Variants in CELF2 observed in about 807,000 individuals in gnomAD.
CELF2 encodes CUGBP Elav-like family member 2.
A neutral mutation model predicts 62.6 loss-of-function variants in CELF2; 8 were observed. The observed-to-expected ratio is 0.13, with a 90% confidence interval of 0.07 to 0.23. CELF2 has a LOEUF of 0.23. Ranked by LOEUF, CELF2 falls within the 10% of genes least tolerant of loss-of-function variation. The pLI, the probability that CELF2 is intolerant of heterozygous loss-of-function variation, is 1.00. For synonymous variants in CELF2, 258 were observed against 250.0 expected, an observed-to-expected ratio of 1.03 and a Z score of -0.30; for missense variants, 333 against 671.0, an observed-to-expected ratio of 0.50 and a Z score of 5.56.
At chr10:11,154,621 T>C (rs1253991934) in intron 1 of CELF2, among the ~76,000 whole-genome samples, 1 of 152,228 alleles carries the variant, frequency 6.6e-6, no homozygotes, top group Non-Finnish European at 1.5e-5. Context: ...TGCCTTTTGT[T>C]GTGTCCAGAC....
intron 1 of CELF2, among the ~76,000 whole-genome samples, chr10:11,095,601 T>C (rs1414267947): frequency 1.3e-5 from 2 of 152,198 alleles, no homozygotes; most frequent in African/African-American, 4.8e-5. Context: ...ACTGTAACAA[T>C]GAGTTGTCAC....
chr10:11,162,625 T>C (rs2065981977), intron 1 of CELF2, among the ~76,000 whole-genome samples: 1 of 151,742 alleles, frequency 6.6e-6, no homozygotes, highest in African/African-American at 2.4e-5. Flanking sequence ...GTGAAAAAAA[T>C]GTAAAGTACC....
the CELF2 span, among the ~76,000 whole-genome samples, chr10:10,520,862 A>T: frequency 2.6e-5 from 4 of 152,210 alleles, no homozygotes; most frequent in Non-Finnish European, 5.9e-5. Flanking sequence ...AGCGGAATAT[A>T]AACCACAGTA....
intron 2 of CELF2, among the ~76,000 whole-genome samples, chr10:10,978,897 G>A (rs1667440018): frequency 6.6e-6 from 1 of 152,210 alleles, no homozygotes; most frequent in Non-Finnish European, 1.5e-5. Context: ...CATATCCCAT[G>A]CCTTTTTGGA....
At chr10:10,955,905 G>A (rs1180082363) in intron 2 of CELF2, among the ~76,000 whole-genome samples, 1 of 152,166 alleles carries the variant, frequency 6.6e-6, no homozygotes, top group African/African-American at 2.4e-5. Context: ...CGACTTGCTA[G>A]CATCCCATGC....
the CELF2 span, among the ~76,000 whole-genome samples, chr10:10,742,535 A>G: frequency 0.41 from 61,772 of 150,416 alleles, 13,031 homozygotes; most frequent in South Asian, 0.58. Context: ...AGGTTGAGGC[A>G]GGATGATCCA....
Position 11,227,926 on chromosome 10 carries a change from A to G in CELF2, c.354+10419A>G, listed in dbSNP as rs776601817. Among the ~76,000 whole-genome samples, 1 of 152,228 alleles carries G rather than the reference A, an allele frequency of 6.6e-6. No individual in the cohort carries two copies. The highest frequency in any genetic ancestry group is 1.5e-5 in the Non-Finnish European group (1 of 68,044). On this transcript the variant is annotated intron_variant, in intron 3 of 12. Coordinates refer to ENST00000633077, the MANE Select transcript of CELF2 (RefSeq NM_001326342.2). The surrounding 1 kb of genome is among the most constrained non-coding windows in gnomAD (Gnocchi z 4.8). ...ACATTCCACACTTTGTGTACTCACC[A>G]GCACATACACGGTATTATTGTTTCC...
chr10:11,137,822 C>T (rs1353888385), intron 1 of CELF2, among the ~76,000 whole-genome samples: 2 of 152,022 alleles, frequency 1.3e-5, no homozygotes, highest in African/African-American at 4.8e-5. Context: ...CAGAATTATC[C>T]ATATTCTTTC....
intron 1 of CELF2, among the ~76,000 whole-genome samples, chr10:11,123,204 AC>A (rs1158146066): frequency 6.6e-6 from 1 of 152,152 alleles, no homozygotes; most frequent in East Asian, 1.9e-4. Context: ...TTACAAGCAC[AC>A]TGTTTGGAGG....
the CELF2 span, among the ~76,000 whole-genome samples, chr10:10,560,993 C>T: frequency 1.4e-5 from 2 of 143,538 alleles, no homozygotes; most frequent in South Asian, 4.3e-4. Flanking sequence ...AAGAATGATA[C>T]AATGGACTTT....
chr10:10,732,341 A>G, the CELF2 span, among the ~76,000 whole-genome samples: 2 of 152,198 alleles, frequency 1.3e-5, no homozygotes. Flanking sequence ...TTGCAGGTCC[A>G]CATTGCATCC....
At chr10:11,204,787 T>G (rs1428780693) in intron 2 of CELF2, among the ~76,000 whole-genome samples, 3 of 152,200 alleles carry the variant, frequency 2.0e-5, no homozygotes, top group African/African-American at 7.2e-5. Context: ...CATCTCCTCC[T>G]CCCCGTCCTC....
At chr10:11,235,041 A>G (rs746122371) in intron 3 of CELF2, among the ~76,000 whole-genome samples, 4 of 152,250 alleles carry the variant, frequency 2.6e-5, no homozygotes, top group Non-Finnish European at 5.9e-5. Flanking sequence ...AGGTCAAGCA[A>G]CTTGACTCAC....
rs1565968328 is a variant in CELF2 at position 11,319,565 on chromosome 10, AATAG to A, written c.1097-1618_1097-1615del. ...AATGAAAATCTCAATGATTTTCATTAATAGATAGACCCCTTCATAATGAGAAACA... is the reference window on the plus strand; with the variant it reads ...AATGAAAATCTCAATGATTTTCATTAATAGACCCCTTCATAATGAGAAACA... On this transcript the variant is annotated intron_variant, in intron 10 of 12. Transcript: ENST00000633077. The surrounding 1 kb of genome is among the most constrained non-coding windows in gnomAD (Gnocchi z 4.4). 2.0e-5 allele frequency among the ~76,000 whole-genome samples: 3 copies of A among 152,174 alleles called. No individual in the cohort carries two copies. Among genetic ancestry groups the A allele is most frequent in the African/African-American group, 4.8e-5 (2 of 41,436 alleles).
chr10:11,027,988 A>G (rs981776901), intron 1 of CELF2, among the ~76,000 whole-genome samples: 3 of 152,206 alleles, frequency 2.0e-5, no homozygotes, highest in Non-Finnish European at 4.4e-5. Context: ...AATTTAATGG[A>G]ACTTCATTGC....
rs1185168526 is a variant in CELF2 at position 11,333,085 on chromosome 10, TCTCAAC to T, written c.*4040_*4045del. ...AAGCCGACTCCCCTCCCCATCTCCC[TCTCAAC>T]CTCAACCCACCTGCATGCATCTCCC... On this transcript the variant is annotated 3_prime_UTR_variant, in exon 13 of 13. Transcript: ENST00000633077. 1 of 148,916 alleles carries T rather than the reference TCTCAAC, an allele frequency of 6.7e-6. No individual in the cohort carries two copies. The highest frequency in any genetic ancestry group is 1.5e-5 in the Non-Finnish European group (1 of 66,690). The allele number at this position is 148,916 out of a possible 1,614,324, so 9.2% of individuals were successfully genotyped here.
At chr10:10,623,088 A>AAG in the CELF2 span, among the ~76,000 whole-genome samples, 3 of 42,438 alleles carry the variant, frequency 7.1e-5, no homozygotes, top group South Asian at 1.6e-3. Flanking sequence ...TCCGTCTCAA[A>AAG]AAAAAAAAAA....
intron 1 of CELF2, among the ~76,000 whole-genome samples, chr10:11,140,273 A>C (rs1008085786): frequency 6.6e-6 from 1 of 152,186 alleles, no homozygotes; most frequent in Non-Finnish European, 1.5e-5. Context: ...ACGGGTTCTC[A>C]ATCTGTCGCC....
chr10:10,639,403 G>A, the CELF2 span, among the ~76,000 whole-genome samples: 1 of 152,152 alleles, frequency 6.6e-6, no homozygotes, highest in Non-Finnish European at 1.5e-5. Context: ...ATGCCTCTTT[G>A]AAAATGTTTC....
Sources: allele counts gnomAD v4.1 joint callset (sites outside exome capture counted in the v4.1 genomes callset), GRCh38; gene constraint gnomAD v4.1.1; non-coding constraint Gnocchi (gnomAD v3.1); transcripts MANE v1.5; gene names NCBI Gene and HGNC (gene_info 2026-07-23, HGNC 2026-07-21).